Variants in DYNAP observed in about 807,000 individuals in gnomAD.
DYNAP encodes dynactin-associated protein.
In DYNAP, 7 loss-of-function variants were observed where a neutral mutation model predicts 8.5. That is an observed-to-expected ratio of 0.82 (90% CI 0.47 to 1.54). The LOEUF is 1.54. DYNAP is among the 40% of genes most tolerant of loss of function. The pLI is 0.01. For missense variants in DYNAP, 256 were observed against 224.3 expected (o/e 1.14, Z -0.90); for synonymous variants, 77 against 77.9 (o/e 0.99, Z 0.06).
upstream of DYNAP, among the ~76,000 whole-genome samples, chr18:54,588,288 C>T: frequency 6.6e-6 from 1 of 151,758 alleles, no homozygotes; most frequent in African/African-American, 2.4e-5. Flanking sequence ...TCACTGCAAC[C>T]TCTGCCTCCT....
upstream of DYNAP, chr18:54,587,816 A>C: frequency 2.5e-6 from 1 of 400,726 alleles, no homozygotes; most frequent in Admixed American, 4.4e-5. Flanking sequence ...CTATAGGAGA[A>C]AGAACTTTCA....
chr18:54,595,597 T>TA (rs1298929199), intron 2 of DYNAP, among the ~76,000 whole-genome samples: 1 of 152,112 alleles, frequency 6.6e-6, no homozygotes, highest in African/African-American at 2.4e-5. Flanking sequence ...CTCTGGTGTA[T>TA]ACGACCTTAA....
upstream of DYNAP, among the ~76,000 whole-genome samples, chr18:54,583,216 G>A (rs576277526): frequency 6.6e-6 from 1 of 152,164 alleles, no homozygotes; most frequent in Non-Finnish European, 1.5e-5. Context: ...GACCTGCTGG[G>A]TGGTCAGAGG....
upstream of DYNAP, among the ~76,000 whole-genome samples, chr18:54,590,011 T>A (rs1159114801): frequency 6.6e-6 from 1 of 152,172 alleles, no homozygotes; most frequent in African/African-American, 2.4e-5. Context: ...GTAAAATACA[T>A]ATAACACAAA....
chr18:54,576,816 A>G, the DYNAP span, among the ~76,000 whole-genome samples: 1 of 151,718 alleles, frequency 6.6e-6, no homozygotes, highest in Non-Finnish European at 1.5e-5. Flanking sequence ...AACAACAACA[A>G]CAACAACAAC....
chr18:54,583,141 T>C (rs75984666), upstream of DYNAP, among the ~76,000 whole-genome samples: 116 of 152,224 alleles, frequency 7.6e-4, no homozygotes, highest in East Asian at 0.021. Flanking sequence ...GAAAGGAATA[T>C]AGTTATCAGA....
At chr18:54,589,871 T>C (rs1432392824), upstream of DYNAP, among the ~76,000 whole-genome samples, 2 of 152,152 alleles carry the variant, frequency 1.3e-5, no homozygotes, top group African/African-American at 4.8e-5. Flanking sequence ...CAAAAAGTCT[T>C]TCAAAAGTCA....
upstream of DYNAP, among the ~76,000 whole-genome samples, chr18:54,589,035 C>A (rs1319526835): frequency 2.6e-5 from 4 of 152,112 alleles, no homozygotes; most frequent in Non-Finnish European, 5.9e-5. Flanking sequence ...ATGGCCGAAG[C>A]TGTCATGTTG....
intron 1 of DYNAP, 132 bp downstream of exon 1, chr18:54,591,471 C>A: frequency 1.9e-6 from 2 of 1,037,688 alleles, no homozygotes; most frequent in Non-Finnish European, 1.3e-6. Context: ...AAATAAAGAG[C>A]AACCCTGTAT....
chr18:54,591,944 T>G (rs1911094528), intron 1 of DYNAP, among the ~76,000 whole-genome samples: 1 of 152,130 alleles, frequency 6.6e-6, no homozygotes, highest in African/African-American at 2.4e-5. Flanking sequence ...TCCAACCAAA[T>G]AATCTTTGAC....
rs549576298 is a variant in DYNAP at position 54,596,661 on chromosome 18, G to A, written c.223-1152G>A. On this transcript the variant is annotated intron_variant, in intron 2 of 2. Transcript: ENST00000648945. ...GTTTTTGCCAGAAGGGGCCAAAGCA[G>A]GAGGAGAACTTAGTTTCCTTTTGTC... 3.9e-5 allele frequency among the ~76,000 whole-genome samples: 6 copies of A among 152,250 alleles called. No homozygotes were observed. In the South Asian group the frequency reaches 1.2e-3, roughly 32 times the overall value.
chr18:54,598,037 C>T lies in DYNAP; in HGVS notation c.447C>T (p.Thr149=). 6.2e-7 allele frequency: 1 copy of T among 1,613,538 alleles called. No homozygotes were observed. The highest frequency in any genetic ancestry group is 8.5e-7 in the Non-Finnish European group (1 of 1,179,756). Residue 149 remains threonine (T), a synonymous_variant, in exon 3 of 3, where the codon ACC becomes ACT. Transcript: ENST00000648945. ...PSPACPPTMT[T]TSTVPASTAT... ...CTGCTTGTCCACCTACAATGACCACCACTTCAACTGTACCTGCAAGTACAG... is the reference window on the plus strand; with the variant it reads ...CTGCTTGTCCACCTACAATGACCACTACTTCAACTGTACCTGCAAGTACAG...
chr18:54,592,297 C>T (rs1245917280), intron 1 of DYNAP, among the ~76,000 whole-genome samples: 1 of 151,956 alleles, frequency 6.6e-6, no homozygotes, highest in African/African-American at 2.4e-5. Context: ...TATCCTTGGT[C>T]AGGTATGTAT....
At position 54,595,749 on chromosome 18, in the gene DYNAP, A is replaced by G. The variant is rs966569747; in HGVS notation, c.222+646A>G. Among the ~76,000 whole-genome samples the G allele has an allele frequency of 9.2e-5, 14 of 152,100 alleles. 1 individual carries two copies. The highest frequency in any genetic ancestry group is 5.9e-5 in the Non-Finnish European group (4 of 67,988). ...ATCTTTAAGTCTTCAGCCCTTGTAT[A>G]GAAATTTAACATTGACTATAAATTA... On this transcript the variant is annotated intron_variant, in intron 2 of 2. Coordinates refer to ENST00000648945, the MANE Select transcript of DYNAP (RefSeq NM_173629.3).
intron 2 of DYNAP, among the ~76,000 whole-genome samples, chr18:54,595,824 TC>T (rs1460418331): frequency 6.6e-6 from 1 of 152,114 alleles, no homozygotes; most frequent in African/African-American, 2.4e-5. Flanking sequence ...TGGAATTCCT[TC>T]CTTTCGCTGC....
chr18:54,596,784 A>G (rs919829717), intron 2 of DYNAP, among the ~76,000 whole-genome samples: 10 of 151,986 alleles, frequency 6.6e-5, no homozygotes, highest in Non-Finnish European at 1.5e-4. Flanking sequence ...CCTTTTTGCC[A>G]CTTTCTTTTC....
At chr18:54,582,083 C>A in the DYNAP span, among the ~76,000 whole-genome samples, 1 of 152,120 alleles carries the variant, frequency 6.6e-6, no homozygotes, top group Non-Finnish European at 1.5e-5. Flanking sequence ...TCAAGAGATC[C>A]AGACCATCCT....
chr18:54,583,111 C>T (rs967194740), upstream of DYNAP, among the ~76,000 whole-genome samples: 3 of 151,950 alleles, frequency 2.0e-5, no homozygotes, highest in Non-Finnish European at 2.9e-5. Context: ...AAACAGAAAC[C>T]GGTTTAGGTA....
At chr18:54,585,562 A>G (rs1248691980), upstream of DYNAP, among the ~76,000 whole-genome samples, 1 of 152,022 alleles carries the variant, frequency 6.6e-6, no homozygotes, top group African/African-American at 2.4e-5. Flanking sequence ...GACCTTTAAG[A>G]TTTGGATGTG....
Sources: gnomAD v4.1 joint callset for allele counts (sites outside exome capture counted in the v4.1 genomes callset) on GRCh38, gnomAD v4.1.1 for gene constraint, MANE v1.5 for transcripts, NCBI Gene and HGNC (gene_info 2026-07-23, HGNC 2026-07-21) for gene names.